SNAPC4: variants seen among roughly 807,000 people sequenced by gnomAD.
SNAPC4 encodes the protein snRNA-activating protein complex subunit 4.
SNAPC4 carries 127 observed loss-of-function variants against 151.3 expected under a neutral mutation model. The observed-to-expected ratio is 0.84, with a 90% confidence interval of 0.73 to 0.97. SNAPC4 has a LOEUF of 0.97. SNAPC4 is among the 50% of genes least tolerant of loss of function. The pLI, the probability that SNAPC4 is intolerant of heterozygous loss-of-function variation, is 0.00. For missense variants in SNAPC4, 2,186 were observed against 1,935.0 expected (o/e 1.13, Z -2.43); for synonymous variants, 1,002 against 824.4 (o/e 1.22, Z -3.69).
At chr9:136,384,867 C>T in intron 13 of SNAPC4, 53 bp from the exon 14 acceptor site, 1 of 953,398 alleles carries the variant, frequency 1.0e-6, no homozygotes, top group Non-Finnish European at 1.6e-6. Flanking sequence ...ACGCCGCCCG[C>T]TGCTGCCCCA....
intron 5 of SNAPC4, among the ~76,000 whole-genome samples, chr9:136,395,084 C>G (rs907966174): frequency 5.9e-5 from 9 of 152,230 alleles, no homozygotes; most frequent in Non-Finnish European, 8.8e-5. Context: ...GGCACCTCCA[C>G]GAGGGCTTGC....
intron 14 of SNAPC4, among the ~76,000 whole-genome samples, chr9:136,384,434 A>C (rs1181464486): frequency 6.6e-6 from 1 of 152,146 alleles, no homozygotes; most frequent in African/African-American, 2.4e-5. Context: ...TGGCAATACC[A>C]CAGCTAGGAT....
intron 7 of SNAPC4, among the ~76,000 whole-genome samples, chr9:136,393,607 C>T (rs1393495089): frequency 6.6e-6 from 1 of 152,178 alleles, no homozygotes; most frequent in African/African-American, 2.4e-5. Context: ...GAGAAGCTGC[C>T]TGAACCACAC....
At chr9:136,387,615 G>A in intron 12 of SNAPC4, 36 bp from the exon 13 acceptor site, 2 of 1,525,070 alleles carry the variant, frequency 1.3e-6, no homozygotes, top group Non-Finnish European at 1.8e-6. Context: ...TGAAGCCTCT[G>A]CAGGTACGGC....
chr9:136,395,453 T>C (rs1396413934), intron 4 of SNAPC4, 30 bp from the exon 5 acceptor site: 3 of 1,605,662 alleles, frequency 1.9e-6, no homozygotes, highest in Non-Finnish European at 2.6e-6. Flanking sequence ...GGGACCCCTC[T>C]ATGGACCAGC....
At chr9:136,377,319 C>T (rs899449518) in intron 22 of SNAPC4, among the ~76,000 whole-genome samples, 4 of 152,212 alleles carry the variant, frequency 2.6e-5, no homozygotes, top group Non-Finnish European at 5.9e-5. Flanking sequence ...GAGAATGAGG[C>T]CTCTCTTCTC....
At chr9:136,384,305 C>A (rs536434999) in intron 14 of SNAPC4, among the ~76,000 whole-genome samples, 31 of 152,272 alleles carry the variant, frequency 2.0e-4, no homozygotes, top group Admixed American at 2.6e-4. Flanking sequence ...TCTGCTCCCC[C>A]CAGGCTTCCG....
At chr9:136,396,776 T>C (rs575432023) in intron 3 of SNAPC4, among the ~76,000 whole-genome samples, 2 of 152,324 alleles carry the variant, frequency 1.3e-5, no homozygotes, top group East Asian at 3.9e-4. Flanking sequence ...CCAAGGGGTG[T>C]GATCACCAAG....
Position 136,375,877 on chromosome 9 carries a change from G to A in SNAPC4, c.*8-77C>T, listed in dbSNP as rs150610851. ...CAAGCAGGGCTGGGACAGACAAACA[G>A]GAACCAAGACCACCCCAGCGCCGGC... On this transcript the variant is annotated intron_variant, in intron 23 of 23. Transcript: ENST00000684778. 89 of 153,256 alleles carry A rather than the reference G, an allele frequency of 5.8e-4. No homozygotes were observed. In the Middle Eastern group the frequency reaches 0.023, roughly 40 times the overall value. 9.5% of individuals were successfully genotyped at this position (153,256 alleles called of 1,614,324 possible). A position where few individuals can be genotyped will look rare whatever the true frequency, so the allele number is the denominator to read the frequency against.
In SNAPC4 at chr9:136,383,027, TCCC is replaced by T. The variant is rs1240141840; in HGVS notation, c.1983+156_1983+158del. On this transcript the variant is annotated intron_variant, in intron 16 of 23. Transcript: ENST00000684778. This position sits in a 1 kb window ranked among gnomAD's most constrained non-coding sequence, Gnocchi z 4.2. ...GGAAAAATGGAGGCTTCCCCAACAG[TCCC>T]CCCGACGCACAGCTGTCCAGAGCTC... 6.6e-6 allele frequency among the ~76,000 whole-genome samples: 1 copy of T among 151,832 alleles called. No homozygotes were observed. The highest frequency in any genetic ancestry group is 2.4e-5 in the African/African-American group (1 of 41,288).
At position 136,383,823 on chromosome 9, in the gene SNAPC4, C is replaced by A; in HGVS notation, c.1500+130G>T. 3 of 1,344,406 alleles carry A rather than the reference C, an allele frequency of 2.2e-6. No homozygotes were observed. The highest frequency in any genetic ancestry group is 4.7e-5 in the East Asian group (2 of 42,494). The allele number at this position is 1,344,406 out of a possible 1,614,324, so 83.3% of individuals were successfully genotyped here. On this transcript the variant is annotated intron_variant, in intron 15 of 23. Coordinates refer to ENST00000684778, the MANE Select transcript of SNAPC4 (RefSeq NM_003086.4). This position sits in a 1 kb window ranked among gnomAD's most constrained non-coding sequence, Gnocchi z 4.2. ...AGGCAGGGTCTCCCTTTGCCCTTGG[C>A]CACCCAGAAGAAGAAATGCCAAGAC...
At chr9:136,381,223 T>C (rs531327392) in intron 19 of SNAPC4, 99 bp downstream of exon 19, 16 of 950,708 alleles carry the variant, frequency 1.7e-5, no homozygotes, top group East Asian at 2.4e-5. Flanking sequence ...AAACTTTAGA[T>C]AGCTAGACTT....
chr9:136,392,770 A>T lies in SNAPC4; in HGVS notation c.640T>A (p.Tyr214Asn). 1 of 1,613,080 alleles carries T rather than the reference A, an allele frequency of 6.2e-7. No homozygotes were observed. Among genetic ancestry groups the T allele is most frequent in the Non-Finnish European group, 8.5e-7 (1 of 1,179,918 alleles). ...ACTTTGCTCTGCTTCTGGTGCAAGT[A>T]CTCGAGCCTGCAAAGCAGAGCAGAG... ...LLQPKLLKLE[Y>N]LHQKQSKVSS... The change falls in exon 8 of 24, where the codon TAC (tyrosine) becomes AAC (asparagine). Residue 214 changes from tyrosine (Y) to asparagine (N), a missense_variant. Transcript: ENST00000684778.
intron 22 of SNAPC4, among the ~76,000 whole-genome samples, chr9:136,377,134 A>C (rs1833475620): frequency 6.7e-6 from 1 of 150,300 alleles, no homozygotes; most frequent in African/African-American, 2.4e-5. Flanking sequence ...TTGGGACCCC[A>C]GAAATCCAGA....
chr9:136,378,828 G>A lies in SNAPC4; in HGVS notation c.2999C>T (p.Ala1000Val). 6.2e-7 allele frequency: 1 copy of A among 1,600,820 alleles called. No individual in the cohort carries two copies. The highest frequency in any genetic ancestry group is 8.5e-7 in the Non-Finnish European group (1 of 1,173,876). Residue 1000 changes from alanine to valine, a missense_variant, in exon 22 of 24, where the codon GCC becomes GTC. Coordinates refer to ENST00000684778, the MANE Select transcript of SNAPC4 (RefSeq NM_003086.4). The part of the protein sequence containing the change: ...APVFSEAEGT[A>V]PAASQAPALG... ...GGCAGGGGCTTGGGAAGCAGCAGGG[G>A]CTGTGCCCTCGGCCTCTGAGAAGAC...
rs1161781431 is a variant in SNAPC4 at position 136,376,403 on chromosome 9, T to C, written c.4363A>G (p.Arg1455Gly). 2 of 1,613,462 alleles carry C rather than the reference T, an allele frequency of 1.2e-6. No homozygotes were observed. The highest frequency in any genetic ancestry group is 8.5e-7 in the Non-Finnish European group (1 of 1,179,954). Residue 1455 changes from arginine (R) to glycine (G), a missense_variant, in exon 23 of 24, where the codon AGA (arginine) becomes GGA (glycine). Coordinates refer to ENST00000684778, the MANE Select transcript of SNAPC4 (RefSeq NM_003086.4). ...CGGGTGTGCCTGGCATGCCGGGTTC[T>C]GAGCACGTCCAGGTCGTCAGGGTCA... Reference protein sequence around the residue: ...SNDPDDLDVLRTRHARHTRKR... With the variant: ...SNDPDDLDVLGTRHARHTRKR...
rs760385143 is a variant in SNAPC4, at chr9:136,378,254, G to A, written c.3573C>T (p.Ser1191=). The part of the protein sequence containing the change: ...AREIPEPRTS[S]HADPPEAEPP... ...GTTCTGCTTCAGGAGGGTCAGCGTG[G>A]GAGGACGTCCTGGGCTCAGGTATCT... The change falls in exon 22 of 24, where the codon TCC becomes TCT. Residue 1191 remains serine, a synonymous_variant. Transcript: ENST00000684778. 4 of 1,608,590 alleles carry A rather than the reference G, an allele frequency of 2.5e-6. No individual in the cohort carries two copies. The highest frequency in any genetic ancestry group is 1.6e-4 in the Middle Eastern group (1 of 6,078).
At chr9:136,399,314 G>A (rs1442397732) in intron 1 of SNAPC4, among the ~76,000 whole-genome samples, 1 of 152,216 alleles carries the variant, frequency 6.6e-6, no homozygotes, top group African/African-American at 2.4e-5. Context: ...AGCCGCATCA[G>A]CAGCCCAGGT....
intron 7 of SNAPC4, among the ~76,000 whole-genome samples, chr9:136,393,950 C>G (rs936317757): frequency 2.0e-5 from 3 of 152,258 alleles, no homozygotes; most frequent in African/African-American, 4.8e-5. Context: ...CAGGGTCTCG[C>G]TCTGTCACCC....
Sources: allele counts gnomAD v4.1 joint callset (sites outside exome capture counted in the v4.1 genomes callset), GRCh38; gene constraint gnomAD v4.1.1; non-coding constraint Gnocchi (gnomAD v3.1); transcripts MANE v1.5; gene names NCBI Gene and HGNC (gene_info 2026-07-23, HGNC 2026-07-21).